The following SUSD6 variants were observed in gnomAD, a reference collection of about 807,000 sequenced individuals.
The protein encoded by SUSD6 is sushi domain-containing protein 6.
A neutral mutation model predicts 28.4 loss-of-function variants in SUSD6; 16 were observed. That is an observed-to-expected ratio of 0.56 (90% CI 0.38 to 0.86). SUSD6 has a LOEUF of 0.86. SUSD6 is among the 40% of genes least tolerant of loss of function. The pLI is 0.00. For missense variants in SUSD6, 341 were observed against 384.2 expected (o/e 0.89, Z 0.94); for synonymous variants, 147 against 159.6 (o/e 0.92, Z 0.59).
chr14:69,665,499 C>T (rs913876628), intron 2 of SUSD6, among the ~76,000 whole-genome samples: 4 of 152,174 alleles, frequency 2.6e-5, no homozygotes, highest in African/African-American at 4.8e-5. Context: ...ACGATCCACC[C>T]GCCTTGGCCT....
intron 1 of SUSD6, among the ~76,000 whole-genome samples, chr14:69,639,954 C>CTTTTTTTT (rs1555343334): frequency 2.2e-5 from 1 of 45,608 alleles, no homozygotes; most frequent in African/African-American, 8.2e-5. Context: ...GGCACCTACA[C>CTTTTTTTT]TGTTTTTTTT....
chr14:69,686,067 A>C (rs1028809560), intron 2 of SUSD6, among the ~76,000 whole-genome samples: 19 of 152,346 alleles, frequency 1.2e-4, no homozygotes, highest in African/African-American at 4.6e-4. Context: ...TGAAATGACT[A>C]ATGGTAGTTG....
At chr14:69,702,029 G>A (rs1262235837) in intron 2 of SUSD6, among the ~76,000 whole-genome samples, 2 of 152,092 alleles carry the variant, frequency 1.3e-5, no homozygotes, top group African/African-American at 2.4e-5. Context: ...ACAGCTGCAG[G>A]GTGGTGTGGT....
intron 1 of SUSD6, among the ~76,000 whole-genome samples, chr14:69,635,636 C>CACAT (rs1555343125): frequency 1.2e-3 from 166 of 140,032 alleles, no homozygotes; most frequent in African/African-American, 4.2e-3. Context: ...CACACACACA[C>CACAT]ACACACATTT....
chr14:69,691,685 C>T (rs1308518758), intron 2 of SUSD6, among the ~76,000 whole-genome samples: 2 of 152,194 alleles, frequency 1.3e-5, no homozygotes, highest in East Asian at 3.8e-4. Flanking sequence ...CCTCTAATTC[C>T]AGGTCACATC....
chr14:69,714,506 G>A lies in SUSD6; in HGVS notation c.*3527G>A, dbSNP rs888616638. The A allele has an allele frequency of 3.9e-5, 6 of 152,222 alleles. No homozygotes were observed. Among genetic ancestry groups the A allele is most frequent in the Non-Finnish European group, 8.8e-5 (6 of 68,050 alleles). 9.4% of individuals were successfully genotyped at this position (152,222 alleles called of 1,614,324 possible). On this transcript the variant is annotated 3_prime_UTR_variant, in exon 6 of 6. Transcript: ENST00000342745. Reference sequence around the variant, plus strand: ...GCTTCACAGCTTAATGCCAAGGACAGCGAGTGAGGCTGGGAGCTTCTCTTG... The same window carrying A: ...GCTTCACAGCTTAATGCCAAGGACAACGAGTGAGGCTGGGAGCTTCTCTTG...
chr14:69,627,772 A>G (rs1885136399), intron 1 of SUSD6, among the ~76,000 whole-genome samples: 1 of 152,008 alleles, frequency 6.6e-6, no homozygotes, highest in Admixed American at 6.6e-5. Flanking sequence ...CCCAGATGGT[A>G]TTTCTAGTAA....
At chr14:69,692,212 G>A (rs1348646715) in intron 2 of SUSD6, among the ~76,000 whole-genome samples, 1 of 152,030 alleles carries the variant, frequency 6.6e-6, no homozygotes, top group Non-Finnish European at 1.5e-5. Context: ...GAAAAATGTG[G>A]CCCCACCTGA....
At chr14:69,689,819 C>T (rs904591659) in intron 2 of SUSD6, among the ~76,000 whole-genome samples, 6 of 152,282 alleles carry the variant, frequency 3.9e-5, no homozygotes, top group Admixed American at 1.3e-4. Context: ...GTGTGTGCCA[C>T]GTTGCCTGGC....
chr14:69,623,192 G>A (rs1885066703), intron 1 of SUSD6, among the ~76,000 whole-genome samples: 1 of 152,126 alleles, frequency 6.6e-6, no homozygotes, highest in Non-Finnish European at 1.5e-5. Context: ...CTCGTTACAG[G>A]TACCCTAAAG....
Position 69,639,956 on chromosome 14 carries a change from G to GTTTTTTTTTTTTTTTTT in SUSD6, c.-80-18550_-80-18534dup, listed in dbSNP as rs11463756. Among the ~76,000 whole-genome samples the GTTTTTTTTTTTTTTTTT allele has an allele frequency of 3.7e-5, 3 of 81,640 alleles. 1 individual carries two copies. Among genetic ancestry groups the GTTTTTTTTTTTTTTTTT allele is most frequent in the African/African-American group, 1.4e-4 (3 of 21,318 alleles). 53.6% of individuals were successfully genotyped at this position (81,640 alleles called of 152,430 possible). On this transcript the variant is annotated intron_variant, in intron 1 of 5. Coordinates refer to ENST00000342745, the MANE Select transcript of SUSD6 (RefSeq NM_014734.4). ...AGAGTCCCTCTGGGGCACCTACACT[G>GTTTTTTTTTTTTTTTTT]TTTTTTTTTTTTTTTTTTTTTTTGC...
At chr14:69,635,103 A>C (rs1203054471) in intron 1 of SUSD6, among the ~76,000 whole-genome samples, 1 of 152,184 alleles carries the variant, frequency 6.6e-6, no homozygotes, top group Non-Finnish European at 1.5e-5. Context: ...ATGATGATGG[A>C]GGACACTCAG....
chr14:69,696,222 A>T (rs1397576840), intron 2 of SUSD6, among the ~76,000 whole-genome samples: 2 of 152,196 alleles, frequency 1.3e-5, no homozygotes, highest in Admixed American at 6.5e-5. Context: ...CCAATTACAA[A>T]TGTGTGGCTT....
chr14:69,619,070 G>A (rs1353596986), intron 1 of SUSD6, among the ~76,000 whole-genome samples: 1 of 152,216 alleles, frequency 6.6e-6, no homozygotes. Context: ...AGAAGCCAGA[G>A]CCCCTGATTC....
chr14:69,687,325 G>C (rs946442084), intron 2 of SUSD6, among the ~76,000 whole-genome samples: 4 of 152,132 alleles, frequency 2.6e-5, no homozygotes, highest in Non-Finnish European at 5.9e-5. Context: ...TGGCCAGGCT[G>C]TTCTCGAACT....
intron 1 of SUSD6, among the ~76,000 whole-genome samples, chr14:69,639,773 GTTGACATGCC>G (rs1296694094): frequency 3.9e-5 from 6 of 152,100 alleles, no homozygotes; most frequent in Non-Finnish European, 8.8e-5. Flanking sequence ...GGGATGTTTA[GTTGACATGCC>G]TTGCTCTATC....
At chr14:69,643,968 C>G (rs944458415) in intron 1 of SUSD6, among the ~76,000 whole-genome samples, 2 of 152,212 alleles carry the variant, frequency 1.3e-5, no homozygotes, top group African/African-American at 4.8e-5. Context: ...GTAATTTTCT[C>G]TGTCACTTCC....
intron 2 of SUSD6, among the ~76,000 whole-genome samples, chr14:69,673,806 G>A (rs565548085): frequency 6.6e-6 from 1 of 152,308 alleles, no homozygotes; most frequent in Admixed American, 6.5e-5. Flanking sequence ...CCTGGGCATC[G>A]GCCCTAGCAC....
intron 2 of SUSD6, among the ~76,000 whole-genome samples, chr14:69,696,065 T>C (rs1444821026): frequency 6.6e-6 from 1 of 152,208 alleles, no homozygotes; most frequent in Non-Finnish European, 1.5e-5. Flanking sequence ...TCCAAAGCCA[T>C]AGGCTGAGCA....
Sources: allele counts gnomAD v4.1 joint callset (sites outside exome capture counted in the v4.1 genomes callset), GRCh38; gene constraint gnomAD v4.1.1; transcripts MANE v1.5; gene names NCBI Gene and HGNC (gene_info 2026-07-23, HGNC 2026-07-21).